The following SH3TC2 variants were observed in gnomAD, a reference collection of about 807,000 sequenced individuals.
The protein encoded by SH3TC2 is SH3 domain and tetratricopeptide repeat-containing protein 2.
A neutral mutation model predicts 124.5 loss-of-function variants in SH3TC2; 87 were observed. The observed-to-expected ratio is 0.70, with a 90% CI of 0.59 to 0.84. The LOEUF is 0.84. Among genes scored for constraint, SH3TC2 ranks in the 40% least tolerant of loss-of-function variants. The pLI is 0.00. For synonymous variants in SH3TC2, 634 were observed against 628.5 expected, an observed-to-expected ratio of 1.01 and a Z score of -0.13; for missense variants, 1,536 against 1,566.4, an observed-to-expected ratio of 0.98 and a Z score of 0.33.
chr5:148,991,769 G>A lies in SH3TC2; in HGVS notation c.*12942C>T, dbSNP rs536015698. 5.3e-5 allele frequency among the ~76,000 whole-genome samples: 8 copies of A among 152,282 alleles called. No individual in the cohort carries two copies. The South Asian group carries it at 1.7e-3, about 32-fold the overall frequency. On this transcript the variant is annotated 3_prime_UTR_variant, in exon 17 of 17. Transcript: ENST00000515425. ...AATTATACTCACTGGTGTCCAACCT[G>A]CCCTGAATCACTCTATACTCACAAC... is the stretch of plus-strand genomic sequence containing the variant.
In SH3TC2 at chr5:148,995,786, T is replaced by C. The variant is rs1753500368; in HGVS notation, c.*8925A>G. Among the ~76,000 whole-genome samples, 1 of 152,054 alleles carries C rather than the reference T, an allele frequency of 6.6e-6. No homozygotes were observed. Among genetic ancestry groups the C allele is most frequent in the Non-Finnish European group, 1.5e-5 (1 of 68,016 alleles). ...CTGAGTGACCCAAATAAGATTCCTGTTTTCATGGAACTTCTAATCTAGGTG... is the reference window on the plus strand; with the variant it reads ...CTGAGTGACCCAAATAAGATTCCTGCTTTCATGGAACTTCTAATCTAGGTG... On this transcript the variant is annotated 3_prime_UTR_variant, in exon 17 of 17. Coordinates refer to ENST00000515425, the MANE Select transcript of SH3TC2 (RefSeq NM_024577.4).
chr5:149,017,179 T>C (rs1389631884), intron 12 of SH3TC2, among the ~76,000 whole-genome samples: 1 of 152,172 alleles, frequency 6.6e-6, no homozygotes, highest in Non-Finnish European at 1.5e-5. Context: ...TTATCACCCT[T>C]GTTCAGTTTT....
intron 12 of SH3TC2, among the ~76,000 whole-genome samples, chr5:149,017,506 A>T (rs1443186005): frequency 6.6e-6 from 1 of 152,152 alleles, no homozygotes; most frequent in African/African-American, 2.4e-5. Flanking sequence ...TTCACTATCT[A>T]CCTGTGTGCC....
At position 149,062,380 on chromosome 5, in the gene SH3TC2, C is replaced by T. The variant is rs765045994; in HGVS notation, c.52+591G>A. 19 of 534,062 alleles carry T rather than the reference C, an allele frequency of 3.6e-5. No homozygotes were observed. In the African/African-American group the frequency reaches 3.7e-4, roughly 10 times the overall value. 33.1% of individuals were successfully genotyped at this position (534,062 alleles called of 1,614,324 possible). ...ACATATCCCAGCAAATTCCTCAGTC[C>T]CAGGCAAACCATAATGGCTGGTCAC... On this transcript the variant is annotated intron_variant, in intron 1 of 16. Transcript: ENST00000515425.
chr5:149,017,826 A>G (rs1753900948), intron 12 of SH3TC2, among the ~76,000 whole-genome samples: 1 of 152,370 alleles, frequency 6.6e-6, no homozygotes, highest in South Asian at 2.1e-4. Context: ...AGAGTGCTTA[A>G]GACTATGCAT....
Position 148,984,929 on chromosome 5 carries a change from A to G in SH3TC2, c.*19782T>C, listed in dbSNP as rs1580874603. ...AAGCATAATGGGTTATAGAGGTACC[A>G]TTTACAAAGTGTATAAAACAGGACA... On this transcript the variant is annotated 3_prime_UTR_variant, in exon 17 of 17. Transcript: ENST00000515425. Among the ~76,000 whole-genome samples the G allele has an allele frequency of 6.6e-6, 1 of 152,304 alleles. No homozygotes were observed. Among genetic ancestry groups the G allele is most frequent in the Non-Finnish European group, 1.5e-5 (1 of 68,030 alleles).
intron 1 of SH3TC2, among the ~76,000 whole-genome samples, chr5:149,061,000 G>T (rs1024583408): frequency 2.6e-5 from 4 of 152,156 alleles, no homozygotes; most frequent in Non-Finnish European, 4.4e-5. Context: ...AGATCGACTG[G>T]ACTTGGACCT....
intron 13 of SH3TC2, 96 bp from the exon 14 acceptor site, chr5:149,010,488 T>A (rs1189771173): frequency 2.6e-6 from 4 of 1,542,716 alleles, no homozygotes; most frequent in Admixed American, 3.5e-5. Flanking sequence ...CTAAATCAAC[T>A]AATCCTCTGC....
At position 149,027,871 on chromosome 5, in the gene SH3TC2, G is replaced by T. The variant is rs201403149; in HGVS notation, c.1861C>A (p.Arg621Ser). The T allele has an allele frequency of 1.9e-6, 3 of 1,613,864 alleles. No individual in the cohort carries two copies. The highest frequency in any genetic ancestry group is 2.2e-5 in the South Asian group (2 of 91,084). ...HELDVVAYVLRQGIVVGSSPL... is the reference protein window; with the variant it reads ...HELDVVAYVLSQGIVVGSSPL... ...CTGCTGCCCACCACAATCCCCTGGC[G>T]CAGCACGTAGGCCACCACGTCGAGT... The change falls in exon 11 of 17, where the codon CGC becomes AGC. Residue 621 changes from arginine to serine, a missense_variant. Physicochemically the swap from Arg to Ser is moderately radical, Grantham distance 110. Transcript: ENST00000515425.
At chr5:149,022,361 T>C (rs1266559228) in intron 12 of SH3TC2, among the ~76,000 whole-genome samples, 1 of 152,106 alleles carries the variant, frequency 6.6e-6, no homozygotes, top group African/African-American at 2.4e-5. Context: ...CCACTAGGAA[T>C]GGCTAAAATA....
At chr5:149,039,809 G>C (rs1181708677) in intron 7 of SH3TC2, among the ~76,000 whole-genome samples, 1 of 152,178 alleles carries the variant, frequency 6.6e-6, no homozygotes, top group Non-Finnish European at 1.5e-5. Flanking sequence ...CTACAAGGCT[G>C]TACTGCTTTA....
chr5:149,018,872 T>C (rs1167474014), intron 12 of SH3TC2, among the ~76,000 whole-genome samples: 1 of 152,222 alleles, frequency 6.6e-6, no homozygotes, highest in East Asian at 1.9e-4. Context: ...CCTCAAATGC[T>C]ACCACCTTGA....
intron 9 of SH3TC2, 133 bp from the exon 10 acceptor site, chr5:149,028,851 A>G: frequency 1.1e-6 from 1 of 884,422 alleles, no homozygotes; most frequent in Non-Finnish European, 1.9e-6. Context: ...ATTAAGGAAC[A>G]GGGCAGAATT....
At chr5:149,060,357 C>T (rs1218473422) in intron 1 of SH3TC2, among the ~76,000 whole-genome samples, 2 of 152,198 alleles carry the variant, frequency 1.3e-5, no homozygotes, top group Non-Finnish European at 2.9e-5. Context: ...AGAACCTATC[C>T]TCTCACCATG....
chr5:148,996,394 C>T lies in SH3TC2; in HGVS notation c.*8317G>A, dbSNP rs914947937. On this transcript the variant is annotated 3_prime_UTR_variant, in exon 17 of 17. Transcript: ENST00000515425. The stretch of plus-strand genomic sequence containing the variant: ...TATATAAGCTCTTAGGACTGTAAAA[C>T]AACCGGAAATGAAAATCCTCCAAGT... 6.6e-6 allele frequency among the ~76,000 whole-genome samples: 1 copy of T among 152,146 alleles called. No homozygotes were observed. The highest frequency in any genetic ancestry group is 6.5e-5 in the Admixed American group (1 of 15,272).
chr5:149,028,831 T>C (rs1754131678), intron 9 of SH3TC2, 113 bp from the exon 10 acceptor site: 8 of 1,043,200 alleles, frequency 7.7e-6, no homozygotes, highest in Admixed American at 1.7e-5. Flanking sequence ...ATTCAAGACC[T>C]TCAGTCATCA....
rs535418704 is a variant in SH3TC2 at position 148,986,398 on chromosome 5, C to A, written c.*18313G>T. 6.6e-6 allele frequency among the ~76,000 whole-genome samples: 1 copy of A among 152,252 alleles called. No individual in the cohort carries two copies. The highest frequency in any genetic ancestry group is 1.9e-4 in the East Asian group (1 of 5,178). On this transcript the variant is annotated 3_prime_UTR_variant, in exon 17 of 17. Transcript: ENST00000515425. The stretch of plus-strand genomic sequence containing the variant: ...TTAGGTCCCAGCTCTAAATGATAGA[C>A]TTAGTGAGAAAACGGAAGCCCTGGA...
rs886060146 is a variant in SH3TC2 at position 148,994,730 on chromosome 5, GGATGGATGAATA to G, written c.*9969_*9980del. 5.9e-4 allele frequency among the ~76,000 whole-genome samples: 89 copies of G among 151,666 alleles called. No individual in the cohort carries two copies. Among genetic ancestry groups the G allele is most frequent in the African/African-American group, 9.9e-4 (41 of 41,338 alleles). On this transcript the variant is annotated 3_prime_UTR_variant, in exon 17 of 17. Coordinates refer to ENST00000515425, the MANE Select transcript of SH3TC2 (RefSeq NM_024577.4). ...TGGATGGATGGATGGATGGATGGAT[GGATGGATGAATA>G]GATGGATGAATAGATGGATGAATAG...
Position 149,001,369 on chromosome 5 carries a change from A to G in SH3TC2, c.*3342T>C, listed in dbSNP as rs1403675332. The stretch of plus-strand genomic sequence containing the variant: ...TGTTGCAATGCCCTTCTTGTTCTTT[A>G]TTTAGATTAGATGTAAGGAGCCAGC... On this transcript the variant is annotated 3_prime_UTR_variant, in exon 17 of 17. Transcript: ENST00000515425. The G allele has an allele frequency of 6.6e-6, 1 of 152,146 alleles. No homozygotes were observed. The highest frequency in any genetic ancestry group is 2.4e-5 in the African/African-American group (1 of 41,434). 9.4% of individuals were successfully genotyped at this position (152,146 alleles called of 1,614,324 possible).
Sources: allele counts gnomAD v4.1 joint callset (sites outside exome capture counted in the v4.1 genomes callset), GRCh38; gene constraint gnomAD v4.1.1; transcripts MANE v1.5; gene names NCBI Gene and HGNC (gene_info 2026-07-23, HGNC 2026-07-21).